Variants in CRYZL1 observed in about 807,000 individuals in gnomAD.
CRYZL1 encodes crystallin zeta like 1.
Under a neutral mutation model 50.6 loss-of-function variants are expected in CRYZL1, and 34 were observed. The observed-to-expected ratio is 0.67, with a 90% CI of 0.51 to 0.89. The LOEUF (loss-of-function observed/expected upper bound fraction) is 0.89, where lower values mean the gene tolerates loss of function less well. Among genes scored for constraint, CRYZL1 ranks in the 40% least tolerant of loss-of-function variants. The pLI, the probability that CRYZL1 is intolerant of heterozygous loss-of-function variation, is 0.00. For missense variants in CRYZL1, 354 were observed against 402.3 expected, an observed-to-expected ratio of 0.88 and a Z score of 1.03; for synonymous variants, 125 against 134.3, an observed-to-expected ratio of 0.93 and a Z score of 0.48.
chr21:33,629,923 G>A (rs1285121337), intron 2 of CRYZL1, among the ~76,000 whole-genome samples: 2 of 152,148 alleles, frequency 1.3e-5, no homozygotes, highest in African/African-American at 2.4e-5. Context: ...CCTAATTTAT[G>A]TAGGATTTTT....
At chr21:33,602,873 T>C (rs1366331473) in intron 7 of CRYZL1, among the ~76,000 whole-genome samples, 5 of 152,216 alleles carry the variant, frequency 3.3e-5, no homozygotes, top group Non-Finnish European at 7.3e-5. Flanking sequence ...AAGCATTTCA[T>C]CACAAGCCAG....
At chr21:33,624,268 T>G (rs970826868) in intron 3 of CRYZL1, among the ~76,000 whole-genome samples, 1 of 152,146 alleles carries the variant, frequency 6.6e-6, no homozygotes, top group African/African-American at 2.4e-5. Flanking sequence ...GATGGTAGGC[T>G]GGGCGCAGTG....
chr21:33,628,044 C>T (rs1446228569), intron 2 of CRYZL1, among the ~76,000 whole-genome samples: 2 of 152,108 alleles, frequency 1.3e-5, no homozygotes, highest in African/African-American at 2.4e-5. Flanking sequence ...CGCACCTGGC[C>T]GAGACAAGGT....
In CRYZL1 at chr21:33,624,741, T is replaced by C. The variant is rs1275677297; in HGVS notation, c.86A>G (p.Glu29Gly). 1 of 1,594,962 alleles carries C rather than the reference T, an allele frequency of 6.3e-7. No individual in the cohort carries two copies. Among genetic ancestry groups the C allele is most frequent in the East Asian group, 2.3e-5 (1 of 44,408 alleles). ...AACTTGAAGTTTCACAAAGTTATCC[T>C]CTGTAACAGGAAGATCTTCCTAGAA... Reference protein sequence around the residue: ...FQEKEDLPVTEDNFVKLQVKA... With the variant: ...FQEKEDLPVTGDNFVKLQVKA... The change falls in exon 3 of 13, where the codon GAG becomes GGG. Residue 29 changes from glutamate to glycine, a missense_variant. Physicochemically the swap from Glu to Gly is moderately conservative, Grantham distance 98. Coordinates refer to ENST00000381554, the MANE Select transcript of CRYZL1 (RefSeq NM_145858.3).
intron 9 of CRYZL1, 77 bp downstream of exon 9, chr21:33,599,073 G>T: frequency 1.5e-6 from 2 of 1,293,640 alleles, no homozygotes; most frequent in Non-Finnish European, 2.2e-6. Flanking sequence ...TAATAATTAT[G>T]CCCTGGTTAA....
At chr21:33,607,348 C>T (rs2086824256) in intron 6 of CRYZL1, among the ~76,000 whole-genome samples, 1 of 152,088 alleles carries the variant, frequency 6.6e-6, no homozygotes, top group Non-Finnish European at 1.5e-5. Flanking sequence ...ACTCATTAAA[C>T]AATCATGAAG....
At chr21:33,594,032 T>C (rs2086669709) in intron 11 of CRYZL1, among the ~76,000 whole-genome samples, 1 of 149,452 alleles carries the variant, frequency 6.7e-6, no homozygotes, top group Admixed American at 6.7e-5. Context: ...AGCTACATAG[T>C]ATTCTAACCT....
chr21:33,616,119 C>T (rs1180714364), intron 5 of CRYZL1, among the ~76,000 whole-genome samples: 4 of 151,904 alleles, frequency 2.6e-5, no homozygotes, highest in African/African-American at 9.7e-5. Flanking sequence ...TGATATTCCC[C>T]TTCCTGTGTC....
chr21:33,622,454 G>A (rs1012124428), intron 3 of CRYZL1, among the ~76,000 whole-genome samples: 5 of 152,152 alleles, frequency 3.3e-5, no homozygotes, highest in African/African-American at 9.7e-5. Context: ...GTTGAATAAG[G>A]GGGTGTGGCC....
Position 33,622,135 on chromosome 21 carries a change from G to T in CRYZL1, c.145-67C>A. 3.2e-6 allele frequency: 4 copies of T among 1,249,510 alleles called. No homozygotes were observed. The South Asian group carries it at 3.9e-5, about 12-fold the overall frequency. The allele number at this position is 1,249,510 out of a possible 1,614,324, so 77.4% of individuals were successfully genotyped here. A position where few individuals can be genotyped will look rare whatever the true frequency, so the allele number is the denominator to read the frequency against. On this transcript the variant is annotated intron_variant, in intron 3 of 12. Coordinates refer to ENST00000381554, the MANE Select transcript of CRYZL1 (RefSeq NM_145858.3). ...AAATCCTGGACTCCATTATATATGAGGAAAGCGAGAGTAAAAGTCAAATCA... is the reference window on the plus strand; with the variant it reads ...AAATCCTGGACTCCATTATATATGATGAAAGCGAGAGTAAAAGTCAAATCA...
At position 33,621,979 on chromosome 21, in the gene CRYZL1, C is replaced by T. The variant is rs1309366144; in HGVS notation, c.217+17G>A. The T allele has an allele frequency of 1.9e-6, 3 of 1,538,780 alleles. No homozygotes were observed. The Admixed American group carries it at 5.1e-5, about 26-fold the overall frequency. On this transcript the variant is annotated intron_variant, in intron 4 of 12. Coordinates refer to ENST00000381554, the MANE Select transcript of CRYZL1 (RefSeq NM_145858.3). ...ACCTTAGAAAATAAATACATATACT[C>T]ACATCTGTATACTTACCATCTAATA...
chr21:33,615,154 CTTTTTTTTT>C (rs10550201), intron 5 of CRYZL1, among the ~76,000 whole-genome samples: 3 of 123,634 alleles, frequency 2.4e-5, no homozygotes, highest in Admixed American at 8.6e-5. Context: ...TTCTTTCTCT[CTTTTTTTTT>C]TTTTTTTTTG....
chr21:33,632,028 T>C (rs2145959969), intron 1 of CRYZL1, among the ~76,000 whole-genome samples: 1 of 151,978 alleles, frequency 6.6e-6, no homozygotes, highest in Middle Eastern at 3.4e-3. Context: ...TTAATGGAAG[T>C]ATTTAAACTT....
At chr21:33,615,730 TATG>T (rs997735666) in intron 5 of CRYZL1, among the ~76,000 whole-genome samples, 14 of 152,188 alleles carry the variant, frequency 9.2e-5, no homozygotes, top group African/African-American at 3.4e-4. Context: ...AAAAGCTCTG[TATG>T]ATTTCAGTTG....
At chr21:33,615,154 CTTT>C (rs10550201) in intron 5 of CRYZL1, among the ~76,000 whole-genome samples, 10,305 of 123,616 alleles carry the variant, frequency 0.083, 464 homozygotes, top group East Asian at 0.2. Context: ...TTCTTTCTCT[CTTT>C]TTTTTTTTTT....
intron 2 of CRYZL1, among the ~76,000 whole-genome samples, chr21:33,629,459 C>T (rs747658449): frequency 1.2e-4 from 18 of 152,186 alleles, no homozygotes; most frequent in Non-Finnish European, 2.4e-4. Context: ...GATGGGGTTT[C>T]ACCGTGTTGC....
chr21:33,609,387 C>G (rs2086846665), intron 6 of CRYZL1, among the ~76,000 whole-genome samples: 1 of 152,074 alleles, frequency 6.6e-6, no homozygotes, highest in Non-Finnish European at 1.5e-5. Context: ...GTAGCCTCAA[C>G]CTCCTAGGTT....
intron 6 of CRYZL1, among the ~76,000 whole-genome samples, chr21:33,605,703 T>C (rs965339944): frequency 1.3e-5 from 2 of 151,368 alleles, no homozygotes; most frequent in Admixed American, 1.3e-4. Context: ...TGTATTTTTT[T>C]AGTAGAGACG....
intron 6 of CRYZL1, among the ~76,000 whole-genome samples, chr21:33,611,063 T>C (rs2086868468): frequency 2.6e-5 from 4 of 152,106 alleles, no homozygotes; most frequent in South Asian, 4.1e-4. Flanking sequence ...TTATCTTCTA[T>C]AGCAATTTAG....
Sources: allele counts gnomAD v4.1 joint callset (sites outside exome capture counted in the v4.1 genomes callset), GRCh38; gene constraint gnomAD v4.1.1; transcripts MANE v1.5; gene names NCBI Gene and HGNC (gene_info 2026-07-23, HGNC 2026-07-21).